TTC27: variants seen among roughly 807,000 people sequenced by gnomAD.
TTC27 encodes tetratricopeptide repeat protein 27.
A neutral mutation model predicts 115.9 loss-of-function variants in TTC27; 79 were observed. The ratio of observed to expected loss-of-function variants is 0.68; its 90% CI spans 0.57 to 0.82. The LOEUF is 0.82. Among genes scored for constraint, TTC27 ranks in the 40% least tolerant of loss-of-function variants. The pLI is 0.00. For synonymous variants in TTC27, 401 were observed against 356.0 expected (o/e 1.13, Z -1.42); for missense variants, 1,054 against 993.1 (o/e 1.06, Z -0.82).
intron 12 of TTC27, among the ~76,000 whole-genome samples, chr2:32,754,636 G>A (rs1384279221): frequency 1.3e-5 from 2 of 150,880 alleles, no homozygotes; most frequent in East Asian, 3.9e-4. Flanking sequence ...TGTCATCATG[G>A]CCCATTCTCA....
chr2:32,677,824 T>C (rs1041177493), intron 8 of TTC27, among the ~76,000 whole-genome samples: 1 of 152,230 alleles, frequency 6.6e-6, no homozygotes, highest in Non-Finnish European at 1.5e-5. Flanking sequence ...AGAATGCCCA[T>C]TGTTCTGCCT....
At chr2:32,630,482 T>C (rs1559177126) in intron 1 of TTC27, 41 bp from the exon 2 acceptor site, 1 of 1,500,578 alleles carries the variant, frequency 6.7e-7, no homozygotes, top group Non-Finnish European at 9.0e-7. Context: ...GTATGAAAAA[T>C]AATTTTTTTT....
At chr2:32,702,984 A>T in intron 10 of TTC27, 64 bp downstream of exon 10, 1 of 1,102,174 alleles carries the variant, frequency 9.1e-7, no homozygotes, top group Non-Finnish European at 1.4e-6. Context: ...GTAAGCATAC[A>T]TGTTTGCTAT....
At chr2:32,796,745 A>G (rs1387675525) in intron 16 of TTC27, among the ~76,000 whole-genome samples, 1 of 152,250 alleles carries the variant, frequency 6.6e-6, no homozygotes, top group Non-Finnish European at 1.5e-5. Flanking sequence ...CCTGATTTCA[A>G]AACTTACCAC....
At chr2:32,769,364 T>C (rs1669750743) in intron 13 of TTC27, among the ~76,000 whole-genome samples, 1 of 152,164 alleles carries the variant, frequency 6.6e-6, no homozygotes, top group South Asian at 2.1e-4. Flanking sequence ...ACTGATGACA[T>C]TCAAAAACAG....
intron 4 of TTC27, among the ~76,000 whole-genome samples, chr2:32,643,330 G>A (rs991757414): frequency 4.6e-5 from 7 of 151,866 alleles, no homozygotes; most frequent in African/African-American, 1.7e-4. Context: ...TTTTGAGACA[G>A]AGTCTCACTC....
intron 16 of TTC27, among the ~76,000 whole-genome samples, chr2:32,805,040 G>C (rs1206478189): frequency 6.6e-6 from 1 of 152,188 alleles, no homozygotes; most frequent in African/African-American, 2.4e-5. Flanking sequence ...TTAATAGAAA[G>C]GAAGAAAGAG....
At chr2:32,711,530 A>T (rs1299178230) in intron 10 of TTC27, among the ~76,000 whole-genome samples, 1 of 152,238 alleles carries the variant, frequency 6.6e-6, no homozygotes, top group East Asian at 1.9e-4. Flanking sequence ...GAGGAAAATG[A>T]TTTTAAAATT....
intron 12 of TTC27, among the ~76,000 whole-genome samples, chr2:32,743,858 G>C (rs1177214161): frequency 6.6e-6 from 1 of 152,184 alleles, no homozygotes; most frequent in Non-Finnish European, 1.5e-5. Context: ...TTCAGCTAGA[G>C]TGTGTCACCT....
intron 16 of TTC27, among the ~76,000 whole-genome samples, chr2:32,800,709 A>G (rs193130263): frequency 1.3e-5 from 2 of 151,898 alleles, no homozygotes; most frequent in East Asian, 3.9e-4. Context: ...CGTGTTGGCC[A>G]GGATGATCTC....
At chr2:32,666,164 T>A (rs1465038431) in intron 6 of TTC27, among the ~76,000 whole-genome samples, 2 of 152,144 alleles carry the variant, frequency 1.3e-5, no homozygotes, top group East Asian at 3.9e-4. Flanking sequence ...TGAAAAAATT[T>A]TGGTCTTACA....
intron 9 of TTC27, among the ~76,000 whole-genome samples, chr2:32,693,378 G>A (rs1666881359): frequency 6.6e-6 from 1 of 152,190 alleles, no homozygotes; most frequent in Non-Finnish European, 1.5e-5. Context: ...AATTTCTCCG[G>A]CTCCACCCTA....
chr2:32,733,889 A>G lies in TTC27; in HGVS notation c.1295A>G (p.Tyr432Cys), dbSNP rs776197290. The G allele has an allele frequency of 2.5e-6, 4 of 1,612,332 alleles. No homozygotes were observed. Among genetic ancestry groups the G allele is most frequent in the South Asian group, 2.2e-5 (2 of 90,852 alleles). The stretch of plus-strand genomic sequence containing the variant: ...GTATTGGAACGCCTGAAGATTTTCT[A>G]TTGCTGTCAAGTACCACCTCACTGG... ...TSVLERLKIF[Y>C]CCQVPPHWAI... Residue 432 changes from tyrosine to cysteine, a missense_variant, in exon 11 of 20, where the codon TAT (tyrosine) becomes TGT (cysteine). By Grantham distance (194) the Tyr-to-Cys change is radical. Transcript: ENST00000317907.
chr2:32,707,158 T>G (rs1029713071), intron 10 of TTC27, among the ~76,000 whole-genome samples: 5 of 152,156 alleles, frequency 3.3e-5, no homozygotes, highest in African/African-American at 1.2e-4. Context: ...TTTTAGTCTA[T>G]TTTCTGCTGT....
At chr2:32,659,046 C>A (rs1665435888) in intron 5 of TTC27, among the ~76,000 whole-genome samples, 1 of 152,154 alleles carries the variant, frequency 6.6e-6, no homozygotes, top group Non-Finnish European at 1.5e-5. Context: ...CTCACTGCAG[C>A]CTTGAACTTT....
At chr2:32,795,261 G>A (rs564574760) in intron 16 of TTC27, among the ~76,000 whole-genome samples, 1 of 152,016 alleles carries the variant, frequency 6.6e-6, no homozygotes, top group South Asian at 2.1e-4. Flanking sequence ...AACCAAGTGG[G>A]CTCTATTCCT....
chr2:32,817,375 C>G, intron 18 of TTC27, 82 bp from the exon 19 acceptor site: 1 of 1,136,822 alleles, frequency 8.8e-7, no homozygotes, highest in Non-Finnish European at 1.3e-6. Flanking sequence ...TATAAAAATT[C>G]TAATTAAATA....
intron 9 of TTC27, among the ~76,000 whole-genome samples, chr2:32,687,489 T>C (rs535566608): frequency 6.6e-6 from 1 of 152,282 alleles, no homozygotes; most frequent in South Asian, 2.1e-4. Context: ...AATGGATAAA[T>C]ACTCCAAATA....
intron 16 of TTC27, among the ~76,000 whole-genome samples, chr2:32,795,098 AC>A (rs1407018721): frequency 6.6e-6 from 1 of 150,764 alleles, no homozygotes; most frequent in Non-Finnish European, 1.5e-5. Context: ...GGCCAGCATT[AC>A]CCTGATACCA....
Sources: gnomAD v4.1 joint callset for allele counts (sites outside exome capture counted in the v4.1 genomes callset) on GRCh38, gnomAD v4.1.1 for gene constraint, MANE v1.5 for transcripts, NCBI Gene and HGNC (gene_info 2026-07-23, HGNC 2026-07-21) for gene names.